TNRC6B: variants seen among roughly 807,000 people sequenced by gnomAD.
The protein encoded by TNRC6B is trinucleotide repeat-containing gene 6B protein.
TNRC6B carries 52 observed loss-of-function variants against 203.6 expected under a neutral mutation model. The ratio of observed to expected loss-of-function variants is 0.26; its 90% CI spans 0.20 to 0.32. TNRC6B has a LOEUF of 0.32. Among genes scored for constraint, TNRC6B ranks in the 10% least tolerant of loss-of-function variants. TNRC6B has a pLI of 1.00. For synonymous variants in TNRC6B, 838 were observed against 845.7 expected (o/e 0.99, Z 0.16); for missense variants, 1,923 against 2,286.2 (o/e 0.84, Z 3.24).
intron 9 of TNRC6B, among the ~76,000 whole-genome samples, 191 bp from the exon 10 acceptor site, chr22:40,279,804 A>T (rs1468576678): frequency 6.6e-6 from 1 of 152,166 alleles, no homozygotes; most frequent in African/African-American, 2.4e-5. Context: ...AATAAAAAGG[A>T]CCCATGTGTG....
intron 1 of TNRC6B, among the ~76,000 whole-genome samples, chr22:40,060,499 T>C (rs902763796): frequency 6.6e-6 from 1 of 152,228 alleles, no homozygotes; most frequent in Admixed American, 6.5e-5. Context: ...AGTTTCTACA[T>C]ATCTTTCTGT....
rs144468749 is a variant in TNRC6B, at chr22:40,314,309, C to T, written c.4679-974C>T. 3.3e-5 allele frequency among the ~76,000 whole-genome samples: 5 copies of T among 152,286 alleles called. No individual in the cohort carries two copies. In the East Asian group the frequency reaches 9.6e-4, roughly 29 times the overall value. On this transcript the variant is annotated intron_variant, in intron 19 of 22. Transcript: ENST00000454349. ...TCCTCTCTCTCTCAATCCCTGGATC[C>T]AGGCAGTTATGATTTCTCTTTAGTG... is the stretch of plus-strand genomic sequence containing the variant.
rs146362848 is a variant in TNRC6B at position 40,259,444 on chromosome 22, G to A, written c.116-2388G>A. On this transcript the variant is annotated intron_variant, in intron 3 of 22. Transcript: ENST00000454349. ...TCACAATGTCGGCCAGGATGGTCTC[G>A]ATCTCCTGACCCTGTGATCTACCCA... 5.7e-3 allele frequency among the ~76,000 whole-genome samples: 874 copies of A among 152,244 alleles called. 8 individuals carry two copies. The highest frequency in any genetic ancestry group is 0.02 in the African/African-American group (827 of 41,542).
At chr22:40,262,595 A>G (rs749961802) in intron 4 of TNRC6B, among the ~76,000 whole-genome samples, 2 of 152,222 alleles carry the variant, frequency 1.3e-5, no homozygotes, top group Non-Finnish European at 2.9e-5. Context: ...ATTGCAATAT[A>G]GAATCTTCGG....
chr22:40,289,470 A>G (rs1313243076), intron 12 of TNRC6B, among the ~76,000 whole-genome samples: 2 of 152,158 alleles, frequency 1.3e-5, no homozygotes, highest in African/African-American at 2.4e-5. Flanking sequence ...TTTTCCTTGC[A>G]TAATATGATG....
Position 40,315,178 on chromosome 22 carries a change from A to G in TNRC6B, c.4679-105A>G. 3 of 838,352 alleles carry G rather than the reference A, an allele frequency of 3.6e-6. No homozygotes were observed. In the South Asian group the frequency reaches 5.1e-5, roughly 14 times the overall value. The allele number at this position is 838,352 out of a possible 1,614,324, so 51.9% of individuals were successfully genotyped here. On this transcript the variant is annotated intron_variant, in intron 19 of 22. Coordinates refer to ENST00000454349, the MANE Select transcript of TNRC6B (RefSeq NM_001162501.2). ...AATGTGTACTATTACTTTTTAGAAT[A>G]TAAATGTGCATGTATTTATGTGTAT... is the stretch of plus-strand genomic sequence containing the variant.
intron 12 of TNRC6B, among the ~76,000 whole-genome samples, chr22:40,296,840 C>G (rs2146542461): frequency 6.6e-6 from 1 of 152,284 alleles, no homozygotes; most frequent in East Asian, 1.9e-4. Flanking sequence ...GTTGGCCAAG[C>G]TGGTCTCAAA....
At chr22:40,183,120 C>G (rs2146382996) in intron 1 of TNRC6B, among the ~76,000 whole-genome samples, 1 of 152,210 alleles carries the variant, frequency 6.6e-6, no homozygotes, top group Middle Eastern at 3.4e-3. Flanking sequence ...TATAAGGTCA[C>G]CAGGACTCAC....
rs774472363 is a variant in TNRC6B, at chr22:40,285,723, T to C, written c.3661T>C (p.Ser1221Pro). 6.2e-7 allele frequency: 1 copy of C among 1,613,968 alleles called. No individual in the cohort carries two copies. The highest frequency in any genetic ancestry group is 8.5e-7 in the Non-Finnish European group (1 of 1,179,892). The change falls in exon 12 of 23, where the codon TCT becomes CCT. Residue 1221 changes from serine (S) to proline (P), a missense_variant. Ser to Pro is a moderately conservative substitution (Grantham distance 74, BLOSUM62 -1). Transcript: ENST00000454349. ...CACACCCGTGCAGCCACTAAATTCT[T>C]CTCCCAGTCTCCGGGCGCAAGTGCC... The part of the protein sequence containing the change: ...LHTPVQPLNS[S>P]PSLRAQVPPQ...
At chr22:40,100,038 A>G (rs1384812002) in intron 1 of TNRC6B, among the ~76,000 whole-genome samples, 1 of 151,202 alleles carries the variant, frequency 6.6e-6, no homozygotes, top group Non-Finnish European at 1.5e-5. Flanking sequence ...GACGTGGGCC[A>G]CTGCGCCTGG....
At chr22:40,267,653 C>T (rs1296552123) in intron 5 of TNRC6B, among the ~76,000 whole-genome samples, 3 of 152,016 alleles carry the variant, frequency 2.0e-5, no homozygotes, top group Non-Finnish European at 2.9e-5. Context: ...TCCCTTGAGC[C>T]CAGGAGTTTG....
chr22:40,085,906 T>C (rs2068096636), intron 1 of TNRC6B, among the ~76,000 whole-genome samples: 2 of 152,116 alleles, frequency 1.3e-5, no homozygotes, highest in Non-Finnish European at 2.9e-5. Flanking sequence ...GGTCTTGTTC[T>C]ATTGTCCAGT....
intron 3 of TNRC6B, among the ~76,000 whole-genome samples, chr22:40,145,659 C>T (rs1410574011): frequency 1.3e-5 from 2 of 152,008 alleles, no homozygotes; most frequent in African/African-American, 2.4e-5. Flanking sequence ...CTGGCCAACA[C>T]GGTGAAACCC....
At chr22:40,056,241 T>G (rs1325303309) in intron 1 of TNRC6B, among the ~76,000 whole-genome samples, 1 of 152,222 alleles carries the variant, frequency 6.6e-6, no homozygotes, top group Non-Finnish European at 1.5e-5. Flanking sequence ...TATTCAGAGC[T>G]TGATATTTTT....
chr22:40,241,263 T>C (rs756885103), intron 1 of TNRC6B, among the ~76,000 whole-genome samples: 13 of 152,204 alleles, frequency 8.5e-5, no homozygotes, highest in Non-Finnish European at 1.2e-4. Context: ...ACCAATACTA[T>C]AGTCTGTTTC....
intron 3 of TNRC6B, among the ~76,000 whole-genome samples, chr22:40,253,090 T>C (rs1327280642): frequency 6.8e-6 from 1 of 146,164 alleles, no homozygotes; most frequent in Admixed American, 6.6e-5. Context: ...CTTTTCTTTT[T>C]TTTCTTTTTT....
At chr22:40,312,455 A>T in intron 17 of TNRC6B, 50 bp from the exon 18 acceptor site, 1 of 1,449,234 alleles carries the variant, frequency 6.9e-7, no homozygotes, top group Non-Finnish European at 9.4e-7. Context: ...GTACTATATC[A>T]TTTTTTTTTA....
chr22:40,128,363 T>TTAC (rs1308278524), intron 3 of TNRC6B, among the ~76,000 whole-genome samples: 1 of 152,248 alleles, frequency 6.6e-6, no homozygotes, highest in Admixed American at 6.5e-5. Flanking sequence ...TTTGCTGTGG[T>TTAC]TACATAGTTT....
chr22:40,116,502 G>A, intron 1 of TNRC6B, among the ~76,000 whole-genome samples: 1 of 152,136 alleles, frequency 6.6e-6, no homozygotes, highest in East Asian at 1.9e-4. Flanking sequence ...TGATTTTGAA[G>A]AGACTGTTCC....
Sources: gnomAD v4.1 joint callset for allele counts (sites outside exome capture counted in the v4.1 genomes callset) on GRCh38, gnomAD v4.1.1 for gene constraint, MANE v1.5 for transcripts, NCBI Gene and HGNC (gene_info 2026-07-23, HGNC 2026-07-21) for gene names.